The following MTMR2 variants were observed in gnomAD, a reference collection of about 807,000 sequenced individuals.
MTMR2 encodes the protein myotubularin related protein 2.
A neutral mutation model predicts 86.9 loss-of-function variants in MTMR2; 55 were observed. That is an observed-to-expected ratio of 0.63 (90% CI 0.51 to 0.79). The LOEUF is 0.79. Ranked by LOEUF, MTMR2 falls within the 30% of genes least tolerant of loss-of-function variation. MTMR2 has a pLI of 0.00. For missense variants in MTMR2, 659 were observed against 772.3 expected, an observed-to-expected ratio of 0.85 and a Z score of 1.74; for synonymous variants, 241 against 266.8, an observed-to-expected ratio of 0.90 and a Z score of 0.94.
intron 7 of MTMR2, among the ~76,000 whole-genome samples, chr11:95,852,476 A>G (rs1327787941): frequency 6.6e-6 from 1 of 152,222 alleles, no homozygotes; most frequent in African/African-American, 2.4e-5. Context: ...CCCTTCCAGC[A>G]AACACTCTCA....
At chr11:95,874,686 G>A (rs1035708864) in intron 2 of MTMR2, among the ~76,000 whole-genome samples, 3 of 152,112 alleles carry the variant, frequency 2.0e-5, no homozygotes, top group Non-Finnish European at 4.4e-5. Flanking sequence ...TTTCTTCCTA[G>A]CCTCAATGGT....
rs754171738 is a variant in MTMR2 at position 95,888,167 on chromosome 11, G to A, written c.175C>T (p.Pro59Ser). The change falls in exon 2 of 15, where the codon CCT becomes TCT. Residue 59 changes from proline (P) to serine (S), a missense_variant. Pro to Ser is a moderately conservative substitution (Grantham distance 74). Around this residue, in one of 3 missense-constraint regions of MTMR2, gnomAD observed 387 missense variants for 526.3 expected, o/e 0.74. Coordinates refer to ENST00000346299, the MANE Select transcript of MTMR2 (RefSeq NM_016156.6). ...AATAGTATACATACCCTCAAATCAG[G>A]AGAAAAGTTGTCGGCAGAAGTTGAA... ...SISTSADNFS[P>S]DLRVLRESNK... is the part of the protein sequence containing the mutation. The A allele has an allele frequency of 5.0e-6, 8 of 1,611,126 alleles. No individual in the cohort carries two copies. The highest frequency in any genetic ancestry group is 8.5e-7 in the Non-Finnish European group (1 of 1,177,790).
chr11:95,889,531 C>A lies in MTMR2; in HGVS notation c.81-1270G>T, dbSNP rs532234090. Among the ~76,000 whole-genome samples, 4 of 117,448 alleles carry A rather than the reference C, an allele frequency of 3.4e-5. No individual in the cohort carries two copies. In the East Asian group the frequency reaches 7.1e-4, roughly 21 times the overall value. 77.1% of individuals were successfully genotyped at this position (117,448 alleles called of 152,430 possible). A position where few individuals can be genotyped will look rare whatever the true frequency, so the allele number is the denominator to read the frequency against. On this transcript the variant is annotated intron_variant, in intron 1 of 14. Transcript: ENST00000346299. ...TGTCTTTTTTGGGGGGGGAGGGGGG[C>A]GGGGGAGAAATGAGGTCTCACTATG...
At chr11:95,852,155 C>T (rs966061117) in intron 7 of MTMR2, among the ~76,000 whole-genome samples, 9 of 152,164 alleles carry the variant, frequency 5.9e-5, no homozygotes, top group African/African-American at 1.7e-4. Context: ...GGCACTTTGC[C>T]AGCCTCTTTA....
intron 2 of MTMR2, among the ~76,000 whole-genome samples, chr11:95,885,348 T>C (rs899690083): frequency 6.6e-6 from 1 of 152,138 alleles, no homozygotes; most frequent in Non-Finnish European, 1.5e-5. Context: ...ACCTAGTGGC[T>C]AGCTATTGTT....
intron 2 of MTMR2, among the ~76,000 whole-genome samples, chr11:95,877,046 T>C (rs1865139966): frequency 6.6e-6 from 1 of 152,262 alleles, no homozygotes; most frequent in Non-Finnish European, 1.5e-5. Flanking sequence ...TATACAGTTA[T>C]AAACTATCCT....
intron 1 of MTMR2, among the ~76,000 whole-genome samples, chr11:95,896,213 C>T (rs1369366095): frequency 6.6e-6 from 1 of 152,134 alleles, no homozygotes; most frequent in Non-Finnish European, 1.5e-5. Context: ...CCAGTGCTCC[C>T]ATAGCCACTC....
chr11:95,915,395 C>G (rs1175219627), intron 1 of MTMR2, among the ~76,000 whole-genome samples: 1 of 152,058 alleles, frequency 6.6e-6, no homozygotes, highest in African/African-American at 2.4e-5. Flanking sequence ...TCCTCAGAGC[C>G]TGATGAATAA....
chr11:95,844,886 C>A, intron 11 of MTMR2, 67 bp downstream of exon 11: 3 of 1,388,026 alleles, frequency 2.2e-6, no homozygotes, highest in Non-Finnish European at 3.1e-6. Context: ...TTTTAAAAAA[C>A]ACATTTTTTT....
chr11:95,860,202 C>T (rs979757932), intron 5 of MTMR2, among the ~76,000 whole-genome samples: 2 of 151,976 alleles, frequency 1.3e-5, no homozygotes, highest in African/African-American at 4.8e-5. Context: ...GCCCTTCTGA[C>T]TATAATGGAA....
chr11:95,844,519 A>G (rs938596719), intron 11 of MTMR2, among the ~76,000 whole-genome samples: 4 of 152,162 alleles, frequency 2.6e-5, no homozygotes, highest in Non-Finnish European at 5.9e-5. Flanking sequence ...TGGCCTGTTC[A>G]TGGGATCTGG....
rs1591003746 is a variant in MTMR2, at chr11:95,868,342, CAG to C, written c.187-2668_187-2667del. ...AGAAAAAAAAGAAATAGAGTAGAAA[CAG>C]AAAGTCATAAGGAGAGAGACACAAT... On this transcript the variant is annotated intron_variant, in intron 2 of 14. Coordinates refer to ENST00000346299, the MANE Select transcript of MTMR2 (RefSeq NM_016156.6). Among the ~76,000 whole-genome samples the C allele has an allele frequency of 6.1e-5, 6 of 98,190 alleles. No homozygotes were observed. The South Asian group carries it at 1.3e-3, about 22-fold the overall frequency. The allele number at this position is 98,190 out of a possible 152,430, so 64.4% of individuals were successfully genotyped here. A position where few individuals can be genotyped will look rare whatever the true frequency, so the allele number is the denominator to read the frequency against.
intron 14 of MTMR2, 73 bp downstream of exon 14, chr11:95,836,075 T>C (rs1261723303): frequency 8.6e-6 from 12 of 1,397,480 alleles, no homozygotes; most frequent in Non-Finnish European, 1.0e-5. Context: ...AGATAATCTT[T>C]CCAGCTGCTT....
At chr11:95,915,237 C>A (rs914812575) in intron 1 of MTMR2, among the ~76,000 whole-genome samples, 1 of 152,136 alleles carries the variant, frequency 6.6e-6, no homozygotes, top group Non-Finnish European at 1.5e-5. Flanking sequence ...ACCAGCCCAT[C>A]ATCAGCCAGT....
chr11:95,843,595 G>C (rs1863644014), intron 11 of MTMR2, among the ~76,000 whole-genome samples: 1 of 152,008 alleles, frequency 6.6e-6, no homozygotes, highest in African/African-American at 2.4e-5. Context: ...TATATGGTTA[G>C]ATATTCTTCA....
In MTMR2 at chr11:95,865,607, C is replaced by A; in HGVS notation, c.256G>T (p.Asp86Tyr). Residue 86 changes from aspartate (D) to tyrosine (Y), a missense_variant, in exon 3 of 15, where the codon GAC (aspartate) becomes TAC (tyrosine). Around this residue, in one of 3 missense-constraint regions of MTMR2, gnomAD observed 387 missense variants for 526.3 expected, o/e 0.74. Coordinates refer to ENST00000346299, the MANE Select transcript of MTMR2 (RefSeq NM_016156.6). ...AAAAAATACCATTACGGACCCATGT[C>A]TTTAATATTTTCTCCTGGAAGCAAG... ...PPLLPGENIKDMAKDVTYICP... is the reference protein window; with the variant it reads ...PPLLPGENIKYMAKDVTYICP... 1 of 1,613,360 alleles carries A rather than the reference C, an allele frequency of 6.2e-7. No individual in the cohort carries two copies. The highest frequency in any genetic ancestry group is 8.5e-7 in the Non-Finnish European group (1 of 1,179,374).
chr11:95,845,201 A>T (rs1467042633), intron 10 of MTMR2, 42 bp from the exon 11 acceptor site: 2 of 1,531,412 alleles, frequency 1.3e-6, no homozygotes, highest in South Asian at 2.3e-5. Context: ...TAAACAAGGT[A>T]AATACTTCCT....
chr11:95,893,621 G>A (rs866119470), intron 1 of MTMR2, among the ~76,000 whole-genome samples: 7 of 152,168 alleles, frequency 4.6e-5, no homozygotes, highest in African/African-American at 1.4e-4. Flanking sequence ...TCAAACTGGG[G>A]CCACTTAGGA....
In MTMR2 at chr11:95,888,720, T is replaced by TACACACACACAC. The variant is rs139869459; in HGVS notation, c.81-471_81-460dup. ...AAATAGAAACACATACACACACACA[T>TACACACACACAC]ACACACACACACACACACACAAACA... On this transcript the variant is annotated intron_variant, in intron 1 of 14. Transcript: ENST00000346299. Among the ~76,000 whole-genome samples, 10 of 136,784 alleles carry TACACACACACAC rather than the reference T, an allele frequency of 7.3e-5. No individual in the cohort carries two copies. In the South Asian group the frequency reaches 2.1e-3, roughly 29 times the overall value. 89.7% of individuals were successfully genotyped at this position (136,784 alleles called of 152,430 possible). A position where few individuals can be genotyped will look rare whatever the true frequency, so the allele number is the denominator to read the frequency against.
Sources: allele counts gnomAD v4.1 joint callset (sites outside exome capture counted in the v4.1 genomes callset), GRCh38; gene constraint gnomAD v4.1.1; regional missense constraint gnomAD v4.1.1; transcripts MANE v1.5; gene names NCBI Gene and HGNC (gene_info 2026-07-23, HGNC 2026-07-21).